CHRM3: variants seen among roughly 807,000 people sequenced by gnomAD.
CHRM3 encodes the protein muscarinic acetylcholine receptor M3.
Under a neutral mutation model 41.8 loss-of-function variants are expected in CHRM3, and 11 were observed. The ratio of observed to expected loss-of-function variants is 0.26; its 90% CI spans 0.17 to 0.44. The LOEUF (loss-of-function observed/expected upper bound fraction) is 0.44. Ranked by LOEUF, CHRM3 falls within the 20% of genes least tolerant of loss-of-function variation. The pLI, the probability that CHRM3 is intolerant of heterozygous loss-of-function variation, is 1.00. For synonymous variants in CHRM3, 297 were observed against 301.4 expected (o/e 0.99, Z 0.15); for missense variants, 571 against 745.4 (o/e 0.77, Z 2.72).
At chr1:239,415,844 G>A (rs1661452988) in intron 1 of CHRM3, among the ~76,000 whole-genome samples, 1 of 152,174 alleles carries the variant, frequency 6.6e-6, no homozygotes, top group Non-Finnish European at 1.5e-5. Flanking sequence ...TATGCAACTT[G>A]GATGCTGATT....
chr1:239,900,997 A>G (rs368503299), intron 6 of CHRM3, among the ~76,000 whole-genome samples: 12 of 152,144 alleles, frequency 7.9e-5, no homozygotes, highest in Admixed American at 7.9e-4. Flanking sequence ...CACTGAAATC[A>G]AGGTGTTCGC....
At chr1:239,829,216 G>A (rs1165436077) in intron 6 of CHRM3, among the ~76,000 whole-genome samples, 1 of 152,132 alleles carries the variant, frequency 6.6e-6, no homozygotes, top group Non-Finnish European at 1.5e-5. Context: ...TCCAACAGTG[G>A]GAATTTTGGC....
chr1:239,697,722 C>T (rs1660328456), intron 5 of CHRM3, among the ~76,000 whole-genome samples: 1 of 152,084 alleles, frequency 6.6e-6, no homozygotes, highest in African/African-American at 2.4e-5. Context: ...ACTCCAAAGG[C>T]CGAAGAGCTA....
intron 3 of CHRM3, among the ~76,000 whole-genome samples, chr1:239,590,896 T>G (rs1664056636): frequency 6.6e-6 from 1 of 152,134 alleles, no homozygotes; most frequent in Admixed American, 6.5e-5. Flanking sequence ...GTCTGAGGAT[T>G]TTAGGTGGTT....
chr1:239,795,193 A>G (rs368277872), intron 5 of CHRM3, among the ~76,000 whole-genome samples: 1 of 152,188 alleles, frequency 6.6e-6, no homozygotes, highest in East Asian at 1.9e-4. Context: ...TGATTTGCCA[A>G]GTGACATTTT....
Position 239,473,700 on chromosome 1 carries a change from A to G in CHRM3, c.-520-19009A>G, listed in dbSNP as rs1666285222. ...ACTGTGGAATCCTGTTCGCTGTGAC[A>G]CCAACTTGGATAAATGTATCTCCCA... On this transcript the variant is annotated intron_variant, in intron 1 of 6. Transcript: ENST00000676153. 2.0e-5 allele frequency among the ~76,000 whole-genome samples: 3 copies of G among 152,154 alleles called. No homozygotes were observed. In the South Asian group the frequency reaches 6.2e-4, roughly 32 times the overall value.
Position 239,914,970 on chromosome 1 carries a change from G to A in CHRM3, c.*5746G>A, listed in dbSNP as rs1209063502. 1 of 167,002 alleles carries A rather than the reference G, an allele frequency of 6.0e-6. No homozygotes were observed. Among genetic ancestry groups the A allele is most frequent in the African/African-American group, 2.4e-5 (1 of 41,404 alleles). The allele number at this position is 167,002 out of a possible 1,614,324, so 10.3% of individuals were successfully genotyped here. A position where few individuals can be genotyped will look rare whatever the true frequency, so the allele number is the denominator to read the frequency against. On this transcript the variant is annotated 3_prime_UTR_variant, in exon 7 of 7. Transcript: ENST00000676153. ...AGAGCTATGTGATGGCCACAGTTTG[G>A]GCAAAGCCCTTCTTTCTTTTAAATA...
intron 3 of CHRM3, among the ~76,000 whole-genome samples, chr1:239,553,465 T>A (rs897580072): frequency 2.0e-5 from 3 of 152,076 alleles, no homozygotes; most frequent in Non-Finnish European, 2.9e-5. Context: ...GGAGAATGCA[T>A]TACCCATTTT....
chr1:239,757,326 C>T (rs1198354518), intron 5 of CHRM3, among the ~76,000 whole-genome samples: 1 of 152,056 alleles, frequency 6.6e-6, no homozygotes, highest in Non-Finnish European at 1.5e-5. Flanking sequence ...TCCGTATATA[C>T]AACCTATTTT....
At chr1:239,762,810 A>T (rs868505591) in intron 5 of CHRM3, among the ~76,000 whole-genome samples, 1 of 152,228 alleles carries the variant, frequency 6.6e-6, no homozygotes, top group Non-Finnish European at 1.5e-5. Flanking sequence ...TTAAAAGGAA[A>T]CTAAGCCACA....
intron 6 of CHRM3, among the ~76,000 whole-genome samples, chr1:239,838,775 G>T (rs1325487438): frequency 6.6e-6 from 1 of 152,146 alleles, no homozygotes; most frequent in African/African-American, 2.4e-5. Flanking sequence ...AAATGTTATG[G>T]ACCCTTTGAT....
chr1:239,512,582 ATTCC>A (rs1668995274), intron 2 of CHRM3, among the ~76,000 whole-genome samples: 1 of 151,016 alleles, frequency 6.6e-6, no homozygotes, highest in Non-Finnish European at 1.5e-5. Context: ...TTTTTACTTC[ATTCC>A]TTCCTTCCTT....
chr1:239,499,930 G>A (rs1024191565), intron 2 of CHRM3, among the ~76,000 whole-genome samples: 4 of 152,116 alleles, frequency 2.6e-5, no homozygotes, highest in African/African-American at 4.8e-5. Context: ...AGACAAACCA[G>A]TGCTGAGAGA....
At chr1:239,772,783 C>G (rs546738862) in intron 5 of CHRM3, among the ~76,000 whole-genome samples, 1 of 152,186 alleles carries the variant, frequency 6.6e-6, no homozygotes, top group Non-Finnish European at 1.5e-5. Context: ...TTCCTTCCAA[C>G]AAGCTCTTAC....
At chr1:239,510,241 T>A (rs1240947893) in intron 2 of CHRM3, among the ~76,000 whole-genome samples, 1 of 152,198 alleles carries the variant, frequency 6.6e-6, no homozygotes, top group African/African-American at 2.4e-5. Context: ...CCAAACATCA[T>A]ACCCCATTTT....
At chr1:239,569,393 A>G (rs994410639) in intron 3 of CHRM3, among the ~76,000 whole-genome samples, 1 of 152,218 alleles carries the variant, frequency 6.6e-6, no homozygotes, top group African/African-American at 2.4e-5. Context: ...AACTCATCAT[A>G]TAATGACTCA....
intron 5 of CHRM3, among the ~76,000 whole-genome samples, chr1:239,751,119 T>G (rs1665784627): frequency 1.3e-5 from 2 of 151,996 alleles, no homozygotes; most frequent in South Asian, 2.1e-4. Flanking sequence ...GTGCCTGTAA[T>G]TCCAGCTACT....
At chr1:239,511,520 T>C (rs1451276173) in intron 2 of CHRM3, among the ~76,000 whole-genome samples, 1 of 152,224 alleles carries the variant, frequency 6.6e-6, no homozygotes, top group East Asian at 1.9e-4. Context: ...CCTTAAAAAG[T>C]AATTTTTGAA....
intron 5 of CHRM3, among the ~76,000 whole-genome samples, chr1:239,817,609 G>T (rs1671695532): frequency 6.6e-6 from 1 of 151,536 alleles, no homozygotes; most frequent in Non-Finnish European, 1.5e-5. Context: ...CCACCCACCT[G>T]TTCTCATCTA....
Sources: gnomAD v4.1 joint callset for allele counts (sites outside exome capture counted in the v4.1 genomes callset) on GRCh38, gnomAD v4.1.1 for gene constraint, MANE v1.5 for transcripts, NCBI Gene and HGNC (gene_info 2026-07-23, HGNC 2026-07-21) for gene names.